Variants in COX16 observed in about 807,000 individuals in gnomAD.
COX16 encodes the protein cytochrome c oxidase assembly protein COX16 homolog, mitochondrial.
Under a neutral mutation model 15.4 loss-of-function variants are expected in COX16, and 12 were observed. The ratio of observed to expected loss-of-function variants is 0.78; its 90% CI spans 0.50 to 1.26. The LOEUF (loss-of-function observed/expected upper bound fraction) is 1.26, where lower values mean the gene tolerates loss of function less well. Ranked by LOEUF, COX16 falls within the 50% of genes most tolerant of loss-of-function variation. The probability of loss-of-function intolerance (pLI) is 0.00; values close to 1 mark genes in which losing one functional copy is unlikely to be tolerated. For synonymous variants in COX16, 46 were observed against 41.1 expected (o/e 1.12, Z -0.46); for missense variants, 124 against 127.6 (o/e 0.97, Z 0.14).
At chr14:70,345,967 C>T (rs186044489) in intron 1 of COX16, among the ~76,000 whole-genome samples, 2 of 152,040 alleles carry the variant, frequency 1.3e-5, no homozygotes, top group Non-Finnish European at 2.9e-5. Flanking sequence ...GCTGTATCCA[C>T]TTCTTTTCCT....
intron 1 of COX16, among the ~76,000 whole-genome samples, chr14:70,346,958 TTTCTTCTACTC>T (rs1886802280): frequency 6.6e-6 from 1 of 152,084 alleles, no homozygotes; most frequent in Non-Finnish European, 1.5e-5. Flanking sequence ...GGCATCTAAC[TTTCTTCTACTC>T]CTCCAACCTG....
chr14:70,349,296 G>A (rs1886873637), intron 1 of COX16, among the ~76,000 whole-genome samples: 1 of 152,158 alleles, frequency 6.6e-6, no homozygotes, highest in Non-Finnish European at 1.5e-5. Context: ...GGCACGATTG[G>A]CAAGTAAACT....
In COX16 at chr14:70,359,642, A is replaced by C. The variant is rs562198563; in HGVS notation, c.-55T>G. 1 of 1,504,786 alleles carries C rather than the reference A, an allele frequency of 6.6e-7. No individual in the cohort carries two copies. Among genetic ancestry groups the C allele is most frequent in the South Asian group, 1.1e-5 (1 of 88,646 alleles). 93.2% of individuals were successfully genotyped at this position (1,504,786 alleles called of 1,614,324 possible). A position where few individuals can be genotyped will look rare whatever the true frequency, so the allele number is the denominator to read the frequency against. On this transcript the variant is annotated 5_prime_UTR_variant, in exon 1 of 4. The change creates a new upstream start codon in the 5' untranslated region. Transcript: ENST00000389912. ...CAAGCGGGCCTAGCGCAGACTCCCA[A>C]ATCTCAGCAGCTCACGCTCTCACCA...
intron 2 of COX16, among the ~76,000 whole-genome samples, chr14:70,334,518 AAAAT>A (rs927869723): frequency 2.6e-5 from 4 of 152,316 alleles, no homozygotes; most frequent in African/African-American, 9.6e-5. Context: ...CTCCATCTCA[AAAAT>A]AAATAAATTG....
chr14:70,334,797 G>A (rs145653689), intron 2 of COX16, among the ~76,000 whole-genome samples: 152 of 152,260 alleles, frequency 1.0e-3, no homozygotes, highest in African/African-American at 3.5e-3. Flanking sequence ...AAAAGGATGC[G>A]AGGAGTTACA....
chr14:70,326,239 AT>A lies in COX16; in HGVS notation c.*93del. 2 of 1,062,662 alleles carry A rather than the reference AT, an allele frequency of 1.9e-6. No homozygotes were observed. 65.8% of individuals were successfully genotyped at this position (1,062,662 alleles called of 1,614,324 possible). A position where few individuals can be genotyped will look rare whatever the true frequency, so the allele number is the denominator to read the frequency against. On this transcript the variant is annotated 3_prime_UTR_variant, in exon 4 of 4. Transcript: ENST00000389912. ...ATATCCAAGTTTCCATGGGCCTGGA[AT>A]TTCCTTTCCACTTGATAGAAGTATA... is the stretch of plus-strand genomic sequence containing the variant.
Position 70,342,736 on chromosome 14 carries a change from CAAAG to C in COX16, c.70-11_70-8del, listed in dbSNP as rs779478939. On this transcript the variant is annotated splice_region_variant and splice_polypyrimidine_tract_variant and intron_variant, in intron 1 of 3. Coordinates refer to ENST00000389912, the MANE Select transcript of COX16 (RefSeq NM_016468.7). The stretch of plus-strand genomic sequence containing the variant: ...AACCTCCAACAATCAGCAACTAAAA[CAAAG>C]AAAGGAAACATTTAAGCAAAACAGA... 1 of 1,610,792 alleles carries C rather than the reference CAAAG, an allele frequency of 6.2e-7. No individual in the cohort carries two copies. The highest frequency in any genetic ancestry group is 2.2e-5 in the East Asian group (1 of 44,734).
intron 2 of COX16, among the ~76,000 whole-genome samples, chr14:70,329,479 C>T (rs944564654): frequency 6.6e-6 from 1 of 151,950 alleles, no homozygotes; most frequent in Non-Finnish European, 1.5e-5. Context: ...CATATATTAT[C>T]TTGTTTCATC....
At chr14:70,353,451 C>T (rs1887028818) in intron 1 of COX16, among the ~76,000 whole-genome samples, 1 of 148,172 alleles carries the variant, frequency 6.7e-6, no homozygotes, top group African/African-American at 2.5e-5. Flanking sequence ...TATATATACA[C>T]ACATATATAA....
chr14:70,329,414 T>C (rs1886207588), intron 2 of COX16, among the ~76,000 whole-genome samples, 178 bp from the exon 3 acceptor site: 1 of 152,096 alleles, frequency 6.6e-6, no homozygotes. Flanking sequence ...CCAGCATTAT[T>C]CAACTAAAAA....
intron 1 of COX16, among the ~76,000 whole-genome samples, chr14:70,347,142 C>G (rs758130335): frequency 6.6e-5 from 10 of 152,088 alleles, no homozygotes; most frequent in Non-Finnish European, 1.0e-4. Flanking sequence ...ATCCCCCAAG[C>G]AGCTCTCATA....
intron 3 of COX16, among the ~76,000 whole-genome samples, chr14:70,327,027 G>A (rs1183405282): frequency 1.3e-5 from 2 of 152,090 alleles, no homozygotes; most frequent in Non-Finnish European, 2.9e-5. Context: ...TACCTCTCAA[G>A]CACAAAAATA....
At chr14:70,329,548 T>C (rs1886212637) in intron 2 of COX16, among the ~76,000 whole-genome samples, 1 of 152,064 alleles carries the variant, frequency 6.6e-6, no homozygotes. Flanking sequence ...GGGGTTTGAA[T>C]AACATGTCAA....
chr14:70,342,593 C>T, intron 2 of COX16, 65 bp downstream of exon 2: 1 of 1,525,806 alleles, frequency 6.6e-7, no homozygotes, highest in Non-Finnish European at 8.9e-7. Context: ...ACTGAGTATA[C>T]AATTCTCCTA....
At chr14:70,328,396 C>T (rs1261551090) in intron 3 of COX16, among the ~76,000 whole-genome samples, 1 of 152,076 alleles carries the variant, frequency 6.6e-6, no homozygotes, top group East Asian at 1.9e-4. Context: ...GACTACCTTT[C>T]AATACAAAAT....
intron 1 of COX16, among the ~76,000 whole-genome samples, chr14:70,347,616 A>G (rs1203749012): frequency 1.3e-5 from 2 of 152,112 alleles, no homozygotes; most frequent in Non-Finnish European, 2.9e-5. Flanking sequence ...GCTCCTGTGT[A>G]GCCCCTCTCA....
intron 2 of COX16, among the ~76,000 whole-genome samples, chr14:70,330,491 G>A (rs1282323450): frequency 6.6e-6 from 1 of 152,114 alleles, no homozygotes; most frequent in Non-Finnish European, 1.5e-5. Flanking sequence ...TATGTGGTAA[G>A]CATAACCCTG....
intron 1 of COX16, among the ~76,000 whole-genome samples, chr14:70,348,412 C>T (rs1886846019): frequency 6.6e-6 from 1 of 152,186 alleles, no homozygotes; most frequent in South Asian, 2.1e-4. Context: ...CCGCCCAATA[C>T]CCTACACACT....
intron 1 of COX16, among the ~76,000 whole-genome samples, chr14:70,346,156 G>A (rs573686722): frequency 6.6e-6 from 1 of 152,070 alleles, no homozygotes; most frequent in African/African-American, 2.4e-5. Context: ...TTAAACCTTC[G>A]GTTCATCTCC....
Sources: gnomAD v4.1 joint callset for allele counts (sites outside exome capture counted in the v4.1 genomes callset) on GRCh38, gnomAD v4.1.1 for gene constraint, MANE v1.5 for transcripts, NCBI Gene and HGNC (gene_info 2026-07-23, HGNC 2026-07-21) for gene names.